Variants in UNC5D observed in about 807,000 individuals in gnomAD.
UNC5D encodes unc-5 netrin receptor D, also known as netrin receptor UNC5D.
Under a neutral mutation model 105.4 loss-of-function variants are expected in UNC5D, and 39 were observed. The observed-to-expected ratio is 0.37, with a 90% CI of 0.29 to 0.48. UNC5D has a LOEUF of 0.48. Ranked by LOEUF, UNC5D falls within the 20% of genes least tolerant of loss-of-function variation. The pLI, the probability that UNC5D is intolerant of heterozygous loss-of-function variation, is 0.98. For missense variants in UNC5D, 991 were observed against 1,202.4 expected (o/e 0.82, Z 2.60); for synonymous variants, 452 against 450.4 (o/e 1.00, Z -0.04).
chr8:35,354,556 G>A lies in UNC5D; in HGVS notation c.103+118669G>A, dbSNP rs552573959. 3.9e-5 allele frequency among the ~76,000 whole-genome samples: 6 copies of A among 152,138 alleles called. 1 individual carries two copies. In the South Asian group the frequency reaches 1.2e-3, roughly 32 times the overall value. ...ATATAGTACCCACCATCATTGATCCGACCTCTTTCTTGTTGTTAATGTACC... is the reference window on the plus strand; with the variant it reads ...ATATAGTACCCACCATCATTGATCCAACCTCTTTCTTGTTGTTAATGTACC... On this transcript the variant is annotated intron_variant, in intron 1 of 16. Coordinates refer to ENST00000404895, the MANE Select transcript of UNC5D (RefSeq NM_080872.4).
chr8:35,756,094 C>T (rs953025453), intron 13 of UNC5D, among the ~76,000 whole-genome samples: 10 of 152,078 alleles, frequency 6.6e-5, no homozygotes, highest in Non-Finnish European at 7.3e-5. Flanking sequence ...TATTTAACTT[C>T]GAAGCCAATT....
chr8:35,751,467 G>A (rs1830280234), intron 13 of UNC5D, among the ~76,000 whole-genome samples: 1 of 152,200 alleles, frequency 6.6e-6, no homozygotes, highest in Admixed American at 6.5e-5. Context: ...TTGGGAAAGG[G>A]CTGTTATTGT....
At chr8:35,604,057 T>G (rs1820092638) in intron 4 of UNC5D, among the ~76,000 whole-genome samples, 1 of 152,208 alleles carries the variant, frequency 6.6e-6, no homozygotes, top group Non-Finnish European at 1.5e-5. Flanking sequence ...AAGCTTAGTA[T>G]TGTTATGTGT....
In UNC5D at chr8:35,748,559, G is replaced by C; in HGVS notation, c.1799G>C (p.Ser600Thr). ...TCAGATGGCTCTGAGGTGCTCCTGA[G>C]TCCTGAAGTCACCTGTGGTCCTCCA... ...LQSDGSEVLL[S>T]PEVTCGPPDM... The change falls in exon 12 of 17, where the codon AGT (serine) becomes ACT (threonine). Residue 600 changes from serine (S) to threonine (T), a missense_variant. Ser to Thr is a moderately conservative substitution (Grantham distance 58). Coordinates refer to ENST00000404895, the MANE Select transcript of UNC5D (RefSeq NM_080872.4). 1 of 1,614,002 alleles carries C rather than the reference G, an allele frequency of 6.2e-7. No homozygotes were observed.
rs529210832 is a variant in UNC5D, at chr8:35,388,588, C to T, written c.103+152701C>T. ...AAAAGGGTTATATGGTCAAACAGAT[C>T]ACGGGCAAGTACATAGTATGGTTGT... On this transcript the variant is annotated intron_variant, in intron 1 of 16. Coordinates refer to ENST00000404895, the MANE Select transcript of UNC5D (RefSeq NM_080872.4). Among the ~76,000 whole-genome samples, 25 of 152,270 alleles carry T rather than the reference C, an allele frequency of 1.6e-4. 1 individual carries two copies. In the South Asian group the frequency reaches 3.3e-3, roughly 20 times the overall value.
chr8:35,586,643 A>G (rs1448254669), intron 3 of UNC5D, among the ~76,000 whole-genome samples: 1 of 152,120 alleles, frequency 6.6e-6, no homozygotes. Flanking sequence ...GTTCCTTCAG[A>G]GAAATATGGG....
intron 1 of UNC5D, among the ~76,000 whole-genome samples, chr8:35,381,649 A>G (rs1179548482): frequency 1.3e-5 from 2 of 151,134 alleles, no homozygotes; most frequent in Non-Finnish European, 2.9e-5. Context: ...AATCTCGTGC[A>G]TGTTTTTTTT....
intron 7 of UNC5D, among the ~76,000 whole-genome samples, chr8:35,696,120 C>G (rs1479599759): frequency 6.6e-6 from 1 of 152,054 alleles, no homozygotes; most frequent in Admixed American, 6.6e-5. Context: ...ATATGCATTA[C>G]TAGACTGTAC....
intron 1 of UNC5D, among the ~76,000 whole-genome samples, chr8:35,313,531 C>A (rs1478475308): frequency 1.3e-5 from 2 of 152,176 alleles, no homozygotes; most frequent in Non-Finnish European, 2.9e-5. Context: ...GATAGGCAGA[C>A]TCTTGATGGT....
chr8:35,724,912 G>A (rs1417131217), intron 9 of UNC5D, among the ~76,000 whole-genome samples: 3 of 152,062 alleles, frequency 2.0e-5, no homozygotes, highest in African/African-American at 4.8e-5. Flanking sequence ...TGGTACCTGG[G>A]TCTTGATACA....
chr8:35,664,958 CAAAT>C (rs1824333414), intron 4 of UNC5D, among the ~76,000 whole-genome samples: 1 of 152,106 alleles, frequency 6.6e-6, no homozygotes, highest in Non-Finnish European at 1.5e-5. Context: ...TGCAGCCTCC[CAAAT>C]AGCTGGGACT....
At chr8:35,326,784 G>A (rs563232304) in intron 1 of UNC5D, among the ~76,000 whole-genome samples, 1 of 151,194 alleles carries the variant, frequency 6.6e-6, no homozygotes, top group South Asian at 2.1e-4. Context: ...AAAAAAAAAA[G>A]GCTCATATAA....
intron 4 of UNC5D, among the ~76,000 whole-genome samples, chr8:35,683,227 C>T (rs770321250): frequency 1.3e-5 from 2 of 152,136 alleles, no homozygotes; most frequent in African/African-American, 2.4e-5. Context: ...TCATCATGAA[C>T]GTTGTAATGA....
chr8:35,511,121 G>C (rs774109807), intron 1 of UNC5D, among the ~76,000 whole-genome samples: 1 of 152,112 alleles, frequency 6.6e-6, no homozygotes, highest in African/African-American at 2.4e-5. Flanking sequence ...TATACCTTAA[G>C]ATCTATGTAA....
Position 35,470,836 on chromosome 8 carries a change from G to C in UNC5D, c.104-78456G>C, listed in dbSNP as rs148920718. Among the ~76,000 whole-genome samples the C allele has an allele frequency of 2.7e-3, 412 of 151,800 alleles. 1 individual carries two copies. The highest frequency in any genetic ancestry group is 0.013 in the South Asian group (60 of 4,794). The stretch of plus-strand genomic sequence containing the variant: ...TAAAATAAAAAGAATGAGCAGAGTT[G>C]GTATGGCACTGACTTGTGAAGCACA... On this transcript the variant is annotated intron_variant, in intron 1 of 16. Coordinates refer to ENST00000404895, the MANE Select transcript of UNC5D (RefSeq NM_080872.4).
chr8:35,431,870 GTAA>G (rs1312761181), intron 1 of UNC5D, among the ~76,000 whole-genome samples: 2 of 151,982 alleles, frequency 1.3e-5, no homozygotes, highest in African/African-American at 4.8e-5. Context: ...TCAAATAATA[GTAA>G]TAATAAATTA....
chr8:35,596,419 G>C (rs941559587), intron 4 of UNC5D, among the ~76,000 whole-genome samples: 2 of 152,126 alleles, frequency 1.3e-5, no homozygotes, highest in Non-Finnish European at 1.5e-5. Context: ...GAAGTATAAG[G>C]CATGCTTAAT....
chr8:35,375,597 T>G lies in UNC5D; in HGVS notation c.103+139710T>G, dbSNP rs1585698686. Among the ~76,000 whole-genome samples the G allele has an allele frequency of 1.3e-5, 2 of 152,316 alleles. 1 individual carries two copies. The highest frequency in any genetic ancestry group is 2.9e-5 in the Non-Finnish European group (2 of 68,024). On this transcript the variant is annotated intron_variant, in intron 1 of 16. Transcript: ENST00000404895. The stretch of plus-strand genomic sequence containing the variant: ...TTAATGGTGTTGGCTTTACAATCTA[T>G]ATTTAATTTTAACAATGGAATTTCA...
rs548011650 is a variant in UNC5D at position 35,551,245 on chromosome 8, A to G, written c.322+1735A>G. ...GGGAGGCTACAGAAATAACAACCAG[A>G]ATATAAGTAATTGCATTAACAAGGA... On this transcript the variant is annotated intron_variant, in intron 2 of 16. Transcript: ENST00000404895. 4.6e-5 allele frequency among the ~76,000 whole-genome samples: 7 copies of G among 152,342 alleles called. No individual in the cohort carries two copies. In the South Asian group the frequency reaches 1.4e-3, roughly 32 times the overall value.
Sources: gnomAD v4.1 joint callset for allele counts (sites outside exome capture counted in the v4.1 genomes callset) on GRCh38, gnomAD v4.1.1 for gene constraint, MANE v1.5 for transcripts, NCBI Gene and HGNC (gene_info 2026-07-23, HGNC 2026-07-21) for gene names.